Variants in RBFOX1 observed in about 807,000 individuals in gnomAD.
The protein encoded by RBFOX1 is RNA binding protein fox-1 homolog 1.
In RBFOX1, 8 loss-of-function variants were observed where a neutral mutation model predicts 57.7. That is an observed-to-expected ratio of 0.14 (90% confidence interval 0.08 to 0.25). RBFOX1 has a LOEUF of 0.25. RBFOX1 is among the 10% of genes least tolerant of loss of function. RBFOX1 has a pLI of 1.00. For missense variants in RBFOX1, 611 were observed against 548.5 expected (o/e 1.11, Z -1.14); for synonymous variants, 326 against 222.4 (o/e 1.47, Z -4.15).
chr16:6,826,514 A>G (rs1233811036), intron 3 of RBFOX1, among the ~76,000 whole-genome samples: 3 of 152,202 alleles, frequency 2.0e-5, no homozygotes, highest in Non-Finnish European at 4.4e-5. Flanking sequence ...TAAGCGTTCC[A>G]TAAGTGGCAG....
intron 1 of RBFOX1, among the ~76,000 whole-genome samples, chr16:6,311,304 A>AAT (rs2080276442): frequency 6.6e-6 from 1 of 151,274 alleles, no homozygotes; most frequent in African/African-American, 2.4e-5. Context: ...TCAAAAAAAA[A>AAT]AAAAAAAAAA....
chr16:7,517,505 G>C (rs1334035697), intron 4 of RBFOX1, among the ~76,000 whole-genome samples: 1 of 151,042 alleles, frequency 6.6e-6, no homozygotes, highest in Non-Finnish European at 1.5e-5. Context: ...TGTATCAGCT[G>C]CTTCATTTTG....
intron 5 of RBFOX1, among the ~76,000 whole-genome samples, chr16:7,551,974 A>C (rs1162145699): frequency 6.6e-6 from 1 of 152,214 alleles, no homozygotes; most frequent in Non-Finnish European, 1.5e-5. Flanking sequence ...TAGCATGTGC[A>C]AAGGCCGTGT....
At chr16:6,745,652 G>T (rs990032792) in intron 3 of RBFOX1, among the ~76,000 whole-genome samples, 2 of 152,180 alleles carry the variant, frequency 1.3e-5, no homozygotes, top group African/African-American at 4.8e-5. Context: ...TGGTCAATAT[G>T]ATAAAAGGCA....
chr16:7,655,088 G>T lies in RBFOX1; in HGVS notation c.890+1141G>T, dbSNP rs562486832. Among the ~76,000 whole-genome samples the T allele has an allele frequency of 1.6e-3, 243 of 152,270 alleles. 1 individual carries two copies. The highest frequency in any genetic ancestry group is 5.5e-3 in the African/African-American group (229 of 41,564). ...TGCCCTTTTCATAGCTCTGTTGCTTGTAAATCTTTCAGAAAATCTACATTA... is the reference window on the plus strand; with the variant it reads ...TGCCCTTTTCATAGCTCTGTTGCTTTTAAATCTTTCAGAAAATCTACATTA... On this transcript the variant is annotated intron_variant, in intron 12 of 15. Transcript: ENST00000550418.
chr16:6,633,243 A>C (rs546852108), intron 2 of RBFOX1, among the ~76,000 whole-genome samples: 1 of 152,192 alleles, frequency 6.6e-6, no homozygotes, highest in African/African-American at 2.4e-5. Context: ...AGTCCTCTCC[A>C]ATAGGTGCAC....
intron 1 of RBFOX1, among the ~76,000 whole-genome samples, chr16:6,270,477 A>T (rs1431527090): frequency 4.7e-5 from 7 of 148,612 alleles, no homozygotes; most frequent in Non-Finnish European, 8.9e-5. Flanking sequence ...AAAAAAAAAC[A>T]ACTAGAAATA....
At chr16:6,786,501 A>G (rs1045179322) in intron 3 of RBFOX1, among the ~76,000 whole-genome samples, 5 of 152,164 alleles carry the variant, frequency 3.3e-5, no homozygotes, top group African/African-American at 1.2e-4. Context: ...CCCTTAAAAG[A>G]CTGTAGCTGT....
intron 1 of RBFOX1, among the ~76,000 whole-genome samples, chr16:6,068,354 G>A (rs1429888980): frequency 6.6e-6 from 1 of 152,164 alleles, no homozygotes; most frequent in African/African-American, 2.4e-5. Context: ...GAGTAGTTAA[G>A]GTAAATATTA....
intron 1 of RBFOX1, among the ~76,000 whole-genome samples, chr16:6,314,091 T>G (rs1333221001): frequency 1.3e-5 from 2 of 152,136 alleles, no homozygotes; most frequent in African/African-American, 4.8e-5. Flanking sequence ...GACATGAAAT[T>G]CAATGTTATT....
intron 1 of RBFOX1, among the ~76,000 whole-genome samples, chr16:5,365,143 G>A (rs757580363): frequency 2.6e-5 from 4 of 152,186 alleles, no homozygotes; most frequent in Middle Eastern, 3.4e-3. Context: ...GGTGGACTCC[G>A]GAGGCTGGCC....
At chr16:5,759,809 A>G (rs1284137246) in intron 3 of RBFOX1, among the ~76,000 whole-genome samples, 1 of 151,420 alleles carries the variant, frequency 6.6e-6, no homozygotes, top group African/African-American at 2.4e-5. Flanking sequence ...TTTTCTTGGC[A>G]TGGCAAGCAC....
chr16:7,247,296 C>G (rs1287902771), intron 4 of RBFOX1, among the ~76,000 whole-genome samples: 1 of 152,176 alleles, frequency 6.6e-6, no homozygotes, highest in Non-Finnish European at 1.5e-5. Flanking sequence ...GTTAACATTC[C>G]TTAACCAAAG....
intron 9 of RBFOX1, among the ~76,000 whole-genome samples, chr16:7,599,564 A>G (rs1365192073): frequency 6.6e-6 from 1 of 152,016 alleles, no homozygotes; most frequent in African/African-American, 2.4e-5. Flanking sequence ...ATGAAGTCCT[A>G]TAAAGAGGAC....
intron 3 of RBFOX1, among the ~76,000 whole-genome samples, chr16:5,739,756 C>T (rs1246394020): frequency 1.3e-5 from 2 of 152,236 alleles, no homozygotes; most frequent in Admixed American, 6.5e-5. Context: ...AAGCAGAGAG[C>T]AGGGAAAACA....
intron 11 of RBFOX1, among the ~76,000 whole-genome samples, chr16:7,648,318 G>A (rs1462285757): frequency 1.3e-5 from 2 of 152,064 alleles, no homozygotes; most frequent in Admixed American, 6.6e-5. Context: ...TACCTCTCCT[G>A]GGTTCAAGCG....
chr16:7,652,627 C>T (rs1017605919), intron 11 of RBFOX1, among the ~76,000 whole-genome samples: 8 of 152,078 alleles, frequency 5.3e-5, no homozygotes, highest in Non-Finnish European at 1.0e-4. Context: ...AGGCTGGTCT[C>T]GAACTCCTGA....
At chr16:6,381,941 A>T (rs1015756438) in intron 2 of RBFOX1, among the ~76,000 whole-genome samples, 5 of 152,180 alleles carry the variant, frequency 3.3e-5, no homozygotes, top group Non-Finnish European at 7.4e-5. Context: ...CTGGTCGATC[A>T]TCCTCTCCTA....
intron 4 of RBFOX1, among the ~76,000 whole-genome samples, chr16:7,323,854 C>T (rs1051728585): frequency 6.6e-6 from 1 of 152,134 alleles, no homozygotes; most frequent in African/African-American, 2.4e-5. Context: ...AGGTCTGATA[C>T]ATAATTCTCA....
Sources: gnomAD v4.1 joint callset for allele counts (sites outside exome capture counted in the v4.1 genomes callset) on GRCh38, gnomAD v4.1.1 for gene constraint, MANE v1.5 for transcripts, NCBI Gene and HGNC (gene_info 2026-07-23, HGNC 2026-07-21) for gene names.